The following RREB1 variants were observed in gnomAD, a reference collection of about 807,000 sequenced individuals.
The protein encoded by RREB1 is ras responsive element binding protein 1.
A neutral mutation model predicts 117.8 loss-of-function variants in RREB1; 27 were observed. That is an observed-to-expected ratio of 0.23 (90% CI 0.17 to 0.32). The LOEUF (loss-of-function observed/expected upper bound fraction) is 0.32, where lower values mean the gene tolerates loss of function less well. Among genes scored for constraint, RREB1 ranks in the 10% least tolerant of loss-of-function variants. The pLI, the probability that RREB1 is intolerant of heterozygous loss-of-function variation, is 1.00. For missense variants in RREB1, 2,577 were observed against 2,378.2 expected, an observed-to-expected ratio of 1.08 and a Z score of -1.74; for synonymous variants, 1,298 against 1,026.7, an observed-to-expected ratio of 1.26 and a Z score of -5.05.
chr6:7,246,453 G>T lies in RREB1; in HGVS notation c.4003G>T (p.Ala1335Ser). Reference sequence around the variant, plus strand: ...TCAGTCGGATGCGGAGACTGCAGCCGCCGCGGGCGAAGTGCTAGACCTCAC... The same window carrying T: ...TCAGTCGGATGCGGAGACTGCAGCCTCCGCGGGCGAAGTGCTAGACCTCAC... ...DSQSDAETAA[A>S]AGEVLDLTSR... Residue 1335 changes from alanine (A) to serine (S), a missense_variant, in exon 12 of 13, where the codon GCC becomes TCC. Transcript: ENST00000379938. The T allele has an allele frequency of 6.6e-7, 1 of 1,505,874 alleles. No homozygotes were observed. The allele number at this position is 1,505,874 out of a possible 1,614,324, so 93.3% of individuals were successfully genotyped here. A position where few individuals can be genotyped will look rare whatever the true frequency, so the allele number is the denominator to read the frequency against.
At chr6:7,200,284 T>TGTA (rs1765897463) in intron 6 of RREB1, among the ~76,000 whole-genome samples, 1 of 80,270 alleles carries the variant, frequency 1.2e-5, no homozygotes, top group Non-Finnish European at 2.5e-5. Context: ...GTGTGTGTAT[T>TGTA]TTTTTTTTTT....
In RREB1 at chr6:7,230,136, C is replaced by T. The variant is rs1344719929; in HGVS notation, c.2037C>T (p.Ile679=). The T allele has an allele frequency of 7.5e-6, 12 of 1,604,932 alleles. No individual in the cohort carries two copies. Among genetic ancestry groups the T allele is most frequent in the Non-Finnish European group, 1.0e-5 (12 of 1,177,536 alleles). ...ACCAGTGCAACATCTGCGACTACATCGCCGCCGACAAGGCCGCGCTCATCC... is the reference window on the plus strand; with the variant it reads ...ACCAGTGCAACATCTGCGACTACATTGCCGCCGACAAGGCCGCGCTCATCC... ...SPYQCNICDY[I]AADKAALIRH... The change falls in exon 10 of 13, where the codon ATC becomes ATT. Residue 679 remains isoleucine (I), a synonymous_variant. Transcript: ENST00000379938.
At chr6:7,110,972 C>A (rs1040021620) in intron 1 of RREB1, among the ~76,000 whole-genome samples, 6 of 152,204 alleles carry the variant, frequency 3.9e-5, no homozygotes, top group African/African-American at 1.4e-4. Context: ...TCTTATTGAG[C>A]TGGTACAGGT....
At position 7,249,103 on chromosome 6, in the gene RREB1, G is replaced by C. The variant is rs1421402577; in HGVS notation, c.*135G>C. 40 of 615,830 alleles carry C rather than the reference G, an allele frequency of 6.5e-5. No homozygotes were observed. The highest frequency in any genetic ancestry group is 9.3e-5 in the Non-Finnish European group (35 of 377,534). The allele number at this position is 615,830 out of a possible 1,614,324, so 38.1% of individuals were successfully genotyped here. ...AGAGAGAGAGAGAGAGAGAGAGAGAGACAAGCAGGAGCGTGGCTGCTCGCT... is the reference window on the plus strand; with the variant it reads ...AGAGAGAGAGAGAGAGAGAGAGAGACACAAGCAGGAGCGTGGCTGCTCGCT... On this transcript the variant is annotated 3_prime_UTR_variant, in exon 13 of 13. Coordinates refer to ENST00000379938, the MANE Select transcript of RREB1 (RefSeq NM_001003699.4).
At chr6:7,198,572 A>T (rs925586475) in intron 6 of RREB1, among the ~76,000 whole-genome samples, 1 of 152,176 alleles carries the variant, frequency 6.6e-6, no homozygotes, top group Non-Finnish European at 1.5e-5. Context: ...TTTTAATGGG[A>T]TATACGTAGT....
intron 1 of RREB1, among the ~76,000 whole-genome samples, chr6:7,150,977 G>A (rs1456621493): frequency 2.0e-5 from 3 of 152,200 alleles, no homozygotes; most frequent in African/African-American, 7.2e-5. Flanking sequence ...CTGGCCGCCC[G>A]GAGATCAGCC....
intron 6 of RREB1, among the ~76,000 whole-genome samples, chr6:7,209,946 GCAAAA>G (rs1451589462): frequency 6.6e-6 from 1 of 152,200 alleles, no homozygotes; most frequent in Non-Finnish European, 1.5e-5. Context: ...ATTGTCATTG[GCAAAA>G]CTAAATCATT....
chr6:7,232,674 A>G (rs574082702), intron 10 of RREB1, among the ~76,000 whole-genome samples: 1 of 152,212 alleles, frequency 6.6e-6, no homozygotes, highest in African/African-American at 2.4e-5. Context: ...TCCATCCCCA[A>G]GAACTCACAC....
chr6:7,144,614 CTT>C (rs10718610), intron 1 of RREB1, among the ~76,000 whole-genome samples: 48 of 143,746 alleles, frequency 3.3e-4, no homozygotes, highest in African/African-American at 9.1e-4. Context: ...GACATTATTC[CTT>C]TTTTTTTTTT....
chr6:7,233,631 G>GT (rs899333814), intron 10 of RREB1, among the ~76,000 whole-genome samples: 29 of 152,026 alleles, frequency 1.9e-4, no homozygotes, highest in African/African-American at 6.0e-4. Flanking sequence ...GGCATCCTGG[G>GT]TTTTTTTTGT....
intron 8 of RREB1, chr6:7,219,092 C>CAAAAA (rs57534871): frequency 6.4e-4 from 26 of 40,526 alleles, no homozygotes; most frequent in Non-Finnish European, 8.5e-4. Context: ...TACTAAAATA[C>CAAAAA]AAAAAAAAAA....
intron 1 of RREB1, among the ~76,000 whole-genome samples, chr6:7,120,493 C>T (rs1409993065): frequency 1.3e-5 from 2 of 152,112 alleles, no homozygotes; most frequent in African/African-American, 4.8e-5. Context: ...GAAGCATGAA[C>T]AGTACTTATG....
At chr6:7,130,895 G>A (rs6908997) in intron 1 of RREB1, among the ~76,000 whole-genome samples, 10,280 of 146,532 alleles carry the variant, frequency 0.07, 628 homozygotes, top group East Asian at 0.24. Context: ...GATTACAGGC[G>A]TGAGCCACTG....
chr6:7,184,951 A>G (rs1276350445), intron 4 of RREB1: 1 of 152,072 alleles, frequency 6.6e-6, no homozygotes, highest in East Asian at 1.9e-4. Flanking sequence ...CTCATCCCCA[A>G]CTTTTGGCCT....
chr6:7,193,616 G>GT (rs759602792), intron 6 of RREB1, among the ~76,000 whole-genome samples: 40 of 151,996 alleles, frequency 2.6e-4, no homozygotes, highest in Admixed American at 7.2e-4. Flanking sequence ...GTTTTGTTTT[G>GT]TTTTTTTGGA....
intron 1 of RREB1, among the ~76,000 whole-genome samples, chr6:7,109,914 C>T (rs900385144): frequency 2.0e-5 from 3 of 152,118 alleles, no homozygotes; most frequent in African/African-American, 4.8e-5. Flanking sequence ...GTTGAAAAAC[C>T]TGTCCGGGGG....
chr6:7,112,980 T>G (rs1761218240), intron 1 of RREB1, among the ~76,000 whole-genome samples: 1 of 152,200 alleles, frequency 6.6e-6, no homozygotes, highest in African/African-American at 2.4e-5. Flanking sequence ...CTGGTGGGAC[T>G]TCAAGGGTAC....
intron 1 of RREB1, among the ~76,000 whole-genome samples, chr6:7,158,884 A>G (rs1450197857): frequency 6.6e-6 from 1 of 151,700 alleles, no homozygotes; most frequent in Admixed American, 6.6e-5. Flanking sequence ...TTAAACCTTG[A>G]TAGCTTAAAG....
chr6:7,249,112 G>C lies in RREB1; in HGVS notation c.*144G>C, dbSNP rs1490524958. The C allele has an allele frequency of 4.2e-6, 3 of 713,108 alleles. No homozygotes were observed. Among genetic ancestry groups the C allele is most frequent in the Non-Finnish European group, 6.7e-6 (3 of 448,462 alleles). 44.2% of individuals were successfully genotyped at this position (713,108 alleles called of 1,614,324 possible). ...GAGAGAGAGAGAGAGAGACAAGCAGGAGCGTGGCTGCTCGCTCAGTGCCAT... is the reference window on the plus strand; with the variant it reads ...GAGAGAGAGAGAGAGAGACAAGCAGCAGCGTGGCTGCTCGCTCAGTGCCAT... On this transcript the variant is annotated 3_prime_UTR_variant, in exon 13 of 13. Transcript: ENST00000379938.
Sources: gnomAD v4.1 joint callset for allele counts (sites outside exome capture counted in the v4.1 genomes callset) on GRCh38, gnomAD v4.1.1 for gene constraint, MANE v1.5 for transcripts, NCBI Gene and HGNC (gene_info 2026-07-23, HGNC 2026-07-21) for gene names.